Variants in MUC5AC observed in about 807,000 individuals in gnomAD.
The protein encoded by MUC5AC is mucin 5AC, oligomeric mucus/gel-forming.
Under a neutral mutation model 169.7 loss-of-function variants are expected in MUC5AC, and 158 were observed. The observed-to-expected ratio is 0.93, with a 90% CI of 0.82 to 1.06. The LOEUF (loss-of-function observed/expected upper bound fraction) is 1.06. MUC5AC is among the 50% of genes least tolerant of loss of function. The pLI is 0.00. For missense variants in MUC5AC, 4,359 were observed against 3,089.9 expected (o/e 1.41, Z -9.74); for synonymous variants, 1,975 against 1,237.0 (o/e 1.60, Z -12.52).
intron 16 of MUC5AC, among the ~76,000 whole-genome samples, chr11:1,173,988 C>T (rs1860616396): frequency 1.3e-5 from 2 of 152,238 alleles, no homozygotes; most frequent in Admixed American, 1.3e-4. Context: ...CTAATTCCTT[C>T]ACCTACTCAT....
rs1007764384 is a variant in MUC5AC at position 1,200,871 on chromosome 11, T to C, written c.*169T>C. The C allele has an allele frequency of 1.1e-4, 57 of 513,332 alleles. No individual in the cohort carries two copies. The highest frequency in any genetic ancestry group is 1.1e-3 in the Admixed American group (34 of 30,708). 31.8% of individuals were successfully genotyped at this position (513,332 alleles called of 1,614,324 possible). On this transcript the variant is annotated 3_prime_UTR_variant, in exon 49 of 49. Coordinates refer to ENST00000621226, the MANE Select transcript of MUC5AC (RefSeq NM_001304359.2). ...TGTGGGCTATGGGTCACCTGCTGCC[T>C]GGAGGAGGGGCCCTTACCCACCCCG...
At chr11:1,175,666 GCA>G (rs1218402686) in intron 19 of MUC5AC, among the ~76,000 whole-genome samples, 20,706 of 122,006 alleles carry the variant, frequency 0.17, 1,754 homozygotes, top group Non-Finnish European at 0.18. Context: ...TCATACACAC[GCA>G]CTCACACCCA....
At position 1,188,855 on chromosome 11, in the gene MUC5AC, A is replaced by G. The variant is rs1383485835; in HGVS notation, c.10710A>G (p.Arg3570=). Residue 3570 remains arginine (R), a synonymous_variant, in exon 31 of 49, where the codon CGA becomes CGG. Coordinates refer to ENST00000621226, the MANE Select transcript of MUC5AC (RefSeq NM_001304359.2). Reference sequence around the variant, plus strand: ...AGGAGATCACCAGGCTCCAGTGCCGAGCCAAGAGCCACCCGGAGGTGAGCA... The same window carrying G: ...AGGAGATCACCAGGCTCCAGTGCCGGGCCAAGAGCCACCCGGAGGTGAGCA... ...RPEEITRLQC[R]AKSHPEVSIE... 1.0e-5 allele frequency: 8 copies of G among 763,420 alleles called. No individual in the cohort carries two copies. Among genetic ancestry groups the G allele is most frequent in the Non-Finnish European group, 1.9e-5 (8 of 417,096 alleles). 47.3% of individuals were successfully genotyped at this position (763,420 alleles called of 1,614,324 possible).
In MUC5AC at chr11:1,188,120, T is replaced by A. The variant is rs1554928492; in HGVS notation, c.9975T>A (p.Gly3325=). ...VRVLCCETPK[G]CPVTSTPVTA... is the part of the protein sequence containing the mutation. ...TGCTCTGCTGCGAGACCCCTAAAGG[T>A]TGCCCCGTGACCTCCACACCTGTGA... The change falls in exon 31 of 49, where the codon GGT becomes GGA. Residue 3325 remains glycine, a synonymous_variant. Transcript: ENST00000621226. The A allele has an allele frequency of 2.7e-6, 2 of 731,272 alleles. No homozygotes were observed. The highest frequency in any genetic ancestry group is 5.0e-6 in the Non-Finnish European group (2 of 398,696). The allele number at this position is 731,272 out of a possible 1,614,324, so 45.3% of individuals were successfully genotyped here. A position where few individuals can be genotyped will look rare whatever the true frequency, so the allele number is the denominator to read the frequency against.
rs1246199332 is a variant in MUC5AC, at chr11:1,164,459, A to C, written c.1056A>C (p.Ala352=). The C allele has an allele frequency of 1.2e-6, 2 of 1,612,016 alleles. No individual in the cohort carries two copies. The highest frequency in any genetic ancestry group is 1.3e-5 in the African/African-American group (1 of 75,028). The change falls in exon 9 of 49, where the codon GCA becomes GCC. Residue 352 remains alanine, a synonymous_variant. Coordinates refer to ENST00000621226, the MANE Select transcript of MUC5AC (RefSeq NM_001304359.2). ...ACCACGAGTGCCGCTCCCCCTGCGC[A>C]GACACCTGCTCCAACCAGGAGCACT... The part of the protein sequence containing the change: ...MQYHECRSPC[A]DTCSNQEHSR...
At chr11:1,160,712 C>T (rs768330864) in intron 2 of MUC5AC, 23 bp downstream of exon 2, 1 of 1,596,826 alleles carries the variant, frequency 6.3e-7, no homozygotes, top group Non-Finnish European at 8.5e-7. Flanking sequence ...GTCCGGCCCC[C>T]ACCCTAAGCC....
intron 6 of MUC5AC, 75 bp from the exon 7 acceptor site, chr11:1,163,807 G>A (rs780144017): frequency 1.2e-5 from 14 of 1,215,826 alleles, no homozygotes; most frequent in Non-Finnish European, 1.7e-5. Context: ...CCGGCCCTGG[G>A]GGCTCTGCTG....
Position 1,179,110 on chromosome 11 carries a change from T to C in MUC5AC, c.3346T>C (p.Tyr1116His). 1.7e-6 allele frequency: 1 copy of C among 604,456 alleles called. No homozygotes were observed. The allele number at this position is 604,456 out of a possible 1,614,324, so 37.4% of individuals were successfully genotyped here. Residue 1116 changes from tyrosine (Y) to histidine (H), a missense_variant, in exon 26 of 49, where the codon TAC becomes CAC. By Grantham distance (83) the Tyr-to-His change is moderately conservative (BLOSUM62 2). Transcript: ENST00000621226. Reference protein sequence around the residue: ...CHAHVEPARYYEACVNDACAC... With the variant: ...CHAHVEPARYHEACVNDACAC... ...CCCTCAGGTGGAGCCGGCCAGGTAC[T>C]ACGAGGCCTGCGTGAACGACGCGTG... is the stretch of plus-strand genomic sequence containing the variant.
Position 1,194,620 on chromosome 11 carries a change from C to G in MUC5AC, c.15140C>G (p.Ser5047Cys). 1.3e-6 allele frequency: 1 copy of G among 764,402 alleles called. No individual in the cohort carries two copies. Among genetic ancestry groups the G allele is most frequent in the Non-Finnish European group, 2.4e-6 (1 of 417,416 alleles). 47.4% of individuals were successfully genotyped at this position (764,402 alleles called of 1,614,324 possible). The part of the protein sequence containing the change: ...VQVMFSGLIF[S>C]VEVPFSKFAN... ...GTCATGTTCTCCGGCCTCATCTTCTCCGTGGAGGTGCCCTTCAGCAAGTTT... is the reference window on the plus strand; with the variant it reads ...GTCATGTTCTCCGGCCTCATCTTCTGCGTGGAGGTGCCCTTCAGCAAGTTT... Residue 5047 changes from serine to cysteine, a missense_variant, in exon 35 of 49, where the codon TCC becomes TGC. By Grantham distance (112) the Ser-to-Cys change is moderately radical. Coordinates refer to ENST00000621226, the MANE Select transcript of MUC5AC (RefSeq NM_001304359.2).
In MUC5AC at chr11:1,168,752, G is replaced by C. The variant is rs1564909041; in HGVS notation, c.1678G>C (p.Ala560Pro). Residue 560 changes from alanine to proline, a missense_variant, in exon 14 of 49, where the codon GCG becomes CCG. Transcript: ENST00000621226. ...CACCATGCAGCTGTTCATGCAGCTGGCGCCCAAGCTCCGTGGGCAGACCTG... is the reference window on the plus strand; with the variant it reads ...CACCATGCAGCTGTTCATGCAGCTGCCGCCCAAGCTCCGTGGGCAGACCTG... ...VPTMQLFMQL[A>P]PKLRGQTCGL... is the part of the protein sequence containing the mutation. 6.2e-7 allele frequency: 1 copy of C among 1,607,010 alleles called. No individual in the cohort carries two copies. The highest frequency in any genetic ancestry group is 8.5e-7 in the Non-Finnish European group (1 of 1,175,400).
At chr11:1,162,879 G>A (rs1860186263) in intron 5 of MUC5AC, 76 bp from the exon 6 acceptor site, 18 of 1,447,674 alleles carry the variant, frequency 1.2e-5, no homozygotes, top group Admixed American at 3.4e-5. Context: ...GCCCCTCCTC[G>A]GAAATCTCAG....
rs562621290 is a variant in MUC5AC, at chr11:1,159,203, G to A, written c.73+1131G>A. On this transcript the variant is annotated intron_variant, in intron 1 of 48. Transcript: ENST00000621226. ...CACTGGGGCCAGAGGGTGTGAGGGC[G>A]AGGGGGGTCTCCCAGCCTGGCCTGA... 4.6e-5 allele frequency among the ~76,000 whole-genome samples: 7 copies of A among 152,108 alleles called. No homozygotes were observed. The Middle Eastern group carries it at 0.014, about 296-fold the overall frequency.
In MUC5AC at chr11:1,199,777, C is replaced by A; in HGVS notation, c.16585+13C>A. ...CCGTACCAGAACCGTGAGTACCCAG[C>A]CTGCTGGGCGGGGCGGGCTCCACCC... On this transcript the variant is annotated intron_variant, in intron 47 of 48. Coordinates refer to ENST00000621226, the MANE Select transcript of MUC5AC (RefSeq NM_001304359.2). 1.4e-6 allele frequency: 1 copy of A among 718,510 alleles called. No homozygotes were observed. Among genetic ancestry groups the A allele is most frequent in the African/African-American group, 1.7e-5 (1 of 58,024 alleles). The allele number at this position is 718,510 out of a possible 1,614,324, so 44.5% of individuals were successfully genotyped here.
At chr11:1,171,305 C>G (rs1437932694) in intron 15 of MUC5AC, among the ~76,000 whole-genome samples, 1 of 140,128 alleles carries the variant, frequency 7.1e-6, no homozygotes, top group African/African-American at 2.8e-5. Context: ...CACTCACTCA[C>G]CTACTCACTC....
chr11:1,181,418 C>T lies in MUC5AC; in HGVS notation c.3968C>T (p.Pro1323Leu), dbSNP rs1400875202. The change falls in exon 30 of 49, where the codon CCT becomes CTT. Residue 1323 changes from proline to leucine, a missense_variant. Transcript: ENST00000621226. ...GTCTACCCCTGCAGCCCCACCACCC[C>T]TGTCCCCCCAACCACCTTCTCCTTC... is the stretch of plus-strand genomic sequence containing the variant. ...RRVYPCSPTT[P>L]VPPTTFSFST... 10 of 397,814 alleles carry T rather than the reference C, an allele frequency of 2.5e-5. 1 individual carries two copies. In the East Asian group the frequency reaches 3.2e-4, roughly 13 times the overall value. The allele number at this position is 397,814 out of a possible 1,614,324, so 24.6% of individuals were successfully genotyped here.
intron 8 of MUC5AC, 36 bp from the exon 9 acceptor site, chr11:1,164,371 G>T (rs780781587): frequency 1.2e-6 from 2 of 1,611,880 alleles, no homozygotes; most frequent in South Asian, 1.1e-5. Context: ...GAGGGCAGGG[G>T]CAGGCAGACG....
In MUC5AC at chr11:1,191,784, C is replaced by A. The variant is rs772390013; in HGVS notation, c.13639C>A (p.Pro4547Thr). The A allele has an allele frequency of 9.2e-6, 7 of 760,190 alleles. No individual in the cohort carries two copies. Among genetic ancestry groups the A allele is most frequent in the Non-Finnish European group, 1.7e-5 (7 of 416,118 alleles). 47.1% of individuals were successfully genotyped at this position (760,190 alleles called of 1,614,324 possible). ...CTCTGGTCCTGGAACTTCTCTCAGC[C>A]CTGTTCCCACCACGAGCACAACCTC... is the stretch of plus-strand genomic sequence containing the variant. ...TTSGPGTSLS[P>T]VPTTSTTSAP... is the part of the protein sequence containing the mutation. The change falls in exon 31 of 49, where the codon CCT becomes ACT. Residue 4547 changes from proline to threonine, a missense_variant. Physicochemically the swap from Pro to Thr is conservative, Grantham distance 38. Transcript: ENST00000621226.
In MUC5AC at chr11:1,160,753, G is replaced by A. The variant is rs74477410; in HGVS notation, c.151+64G>A. On this transcript the variant is annotated intron_variant, in intron 2 of 48. Transcript: ENST00000621226. ...GATTCCACCCTCCACCGTGTGGCACGGCCCCTAGGGCCACTGGTCTTAGGG... is the reference window on the plus strand; with the variant it reads ...GATTCCACCCTCCACCGTGTGGCACAGCCCCTAGGGCCACTGGTCTTAGGG... 12,464 of 1,485,530 alleles carry A rather than the reference G, an allele frequency of 8.4e-3. 77 individuals are homozygous for A. Among genetic ancestry groups the A allele is most frequent in the Non-Finnish European group, 0.01 (11,369 of 1,092,878 alleles). 92.0% of individuals were successfully genotyped at this position (1,485,530 alleles called of 1,614,324 possible).
Position 1,172,510 on chromosome 11 carries a change from G to T in MUC5AC, c.1952G>T (p.Gly651Val). Residue 651 changes from glycine (G) to valine (V), a missense_variant, in exon 16 of 49, where the codon GGA (glycine) becomes GTA (valine). Transcript: ENST00000621226. Reference sequence around the variant, plus strand: ...CGGTGCCATGCTGCCGTGAAGCCGGGAACCTACTACTCGGTAACATCTGCC... The same window carrying T: ...CGGTGCCATGCTGCCGTGAAGCCGGTAACCTACTACTCGGTAACATCTGCC... ...FGRCHAAVKP[G>V]TYYSNCMFDT... The T allele has an allele frequency of 2.5e-6, 1 of 398,714 alleles. No individual in the cohort carries two copies. Among genetic ancestry groups the T allele is most frequent in the Non-Finnish European group, 4.4e-6 (1 of 226,100 alleles). The allele number at this position is 398,714 out of a possible 1,614,324, so 24.7% of individuals were successfully genotyped here.
Sources: gnomAD v4.1 joint callset for allele counts (sites outside exome capture counted in the v4.1 genomes callset) on GRCh38, gnomAD v4.1.1 for gene constraint, MANE v1.5 for transcripts, NCBI Gene and HGNC (gene_info 2026-07-23, HGNC 2026-07-21) for gene names.